Variants in AACS observed in about 807,000 individuals in gnomAD.
AACS encodes the protein acetoacetate-CoA ligase.
A neutral mutation model predicts 83.1 loss-of-function variants in AACS; 69 were observed. The observed-to-expected ratio is 0.83, with a 90% confidence interval of 0.68 to 1.01. AACS has a LOEUF of 1.01. AACS is among the 50% of genes least tolerant of loss of function. The probability of loss-of-function intolerance (pLI) is 0.00; values close to 1 mark genes in which losing one functional copy is unlikely to be tolerated. For missense variants in AACS, 866 were observed against 882.2 expected, an observed-to-expected ratio of 0.98 and a Z score of 0.23; for synonymous variants, 333 against 343.4, an observed-to-expected ratio of 0.97 and a Z score of 0.33.
At chr12:125,102,933 A>C in intron 6 of AACS, 67 bp from the exon 7 acceptor site, 1 of 426,700 alleles carries the variant, frequency 2.3e-6, no homozygotes, top group East Asian at 9.3e-5. Flanking sequence ...TATTTTGTGG[A>C]AAAAAAAAAA....
intron 3 of AACS, among the ~76,000 whole-genome samples, chr12:125,085,573 C>T (rs1046065323): frequency 6.6e-5 from 10 of 152,260 alleles, no homozygotes; most frequent in East Asian, 1.9e-4. Flanking sequence ...CGCACATGCA[C>T]GTCGCATCCA....
rs1956559892 is a variant in AACS at position 125,094,514 on chromosome 12, A to G, written c.570+2991A>G. Among the ~76,000 whole-genome samples, 1 of 151,570 alleles carries G rather than the reference A, an allele frequency of 6.6e-6. No homozygotes were observed. Among genetic ancestry groups the G allele is most frequent in the South Asian group, 2.1e-4 (1 of 4,756 alleles). ...GCTGGCTGTGCTGGGTGCTGAAGGG[A>G]CCCTCTCTGCTGCAGAGCCACAGAC... On this transcript the variant is annotated intron_variant, in intron 5 of 17. Coordinates refer to ENST00000316519, the MANE Select transcript of AACS (RefSeq NM_023928.5). The surrounding 1 kb of genome is among the most constrained non-coding windows in gnomAD (Gnocchi z 4.1).
intron 14 of AACS, among the ~76,000 whole-genome samples, chr12:125,132,938 C>T (rs531541246): frequency 7.9e-5 from 12 of 152,284 alleles, no homozygotes; most frequent in Middle Eastern, 3.4e-3. Context: ...AGAAGTGTCT[C>T]GAGATTTGGG....
intron 9 of AACS, among the ~76,000 whole-genome samples, chr12:125,117,413 C>CA (rs1252793019): frequency 0.064 from 8,766 of 137,850 alleles, 353 homozygotes; most frequent in African/African-American, 0.12. Flanking sequence ...GACTCCGTCT[C>CA]AAAAAAAAAA....
At position 125,142,503 on chromosome 12, in the gene AACS, G is replaced by A; in HGVS notation, c.*274G>A. 1 of 422,434 alleles carries A rather than the reference G, an allele frequency of 2.4e-6. No individual in the cohort carries two copies. Among genetic ancestry groups the A allele is most frequent in the East Asian group, 4.0e-5 (1 of 24,884 alleles). The allele number at this position is 422,434 out of a possible 1,614,324, so 26.2% of individuals were successfully genotyped here. A position where few individuals can be genotyped will look rare whatever the true frequency, so the allele number is the denominator to read the frequency against. On this transcript the variant is annotated 3_prime_UTR_variant, in exon 18 of 18. Coordinates refer to ENST00000316519, the MANE Select transcript of AACS (RefSeq NM_023928.5). ...GAGTGTGTGTCTTTGCACACACAGT[G>A]CAGCGGGAACGGTGGGGCTGGCTGG...
Position 125,112,968 on chromosome 12 carries a change from CAT to C in AACS, c.916-1508_916-1507del, listed in dbSNP as rs142952018. 1.4e-3 allele frequency among the ~76,000 whole-genome samples: 210 copies of C among 152,338 alleles called. 1 individual carries two copies. Among genetic ancestry groups the C allele is most frequent in the African/African-American group, 4.7e-3 (194 of 41,576 alleles). ...ATCTCCCACCTTGTCCCTCCCACAA[CAT>C]GTGGGAATTATGGGAATACAATTCA... On this transcript the variant is annotated intron_variant, in intron 8 of 17. Transcript: ENST00000316519.
intron 2 of AACS, 113 bp downstream of exon 2, chr12:125,074,092 G>C: frequency 1.2e-6 from 1 of 845,274 alleles, no homozygotes; most frequent in Non-Finnish European, 1.9e-6. Context: ...TCATGCAGAT[G>C]GGAAAAAGTC....
chr12:125,100,861 G>T (rs1956695815), intron 5 of AACS: 2 of 152,198 alleles, frequency 1.3e-5, no homozygotes, highest in Non-Finnish European at 2.9e-5. Flanking sequence ...TCACCAGGGA[G>T]CTCTGAAAAC....
intron 8 of AACS, among the ~76,000 whole-genome samples, chr12:125,111,716 G>T (rs879489138): frequency 3.3e-5 from 5 of 152,186 alleles, no homozygotes; most frequent in Admixed American, 6.5e-5. Context: ...TCTGTGAAAG[G>T]TGTCAGAAAG....
chr12:125,091,261 GGCA>G, intron 4 of AACS, 162 bp from the exon 5 acceptor site: 1 of 655,030 alleles, frequency 1.5e-6, no homozygotes, highest in Non-Finnish European at 2.7e-6. Context: ...TTGACAGGCT[GGCA>G]GCAGGCGATT....
chr12:125,090,643 CTCCA>C (rs1256228072), intron 4 of AACS, among the ~76,000 whole-genome samples: 4 of 151,252 alleles, frequency 2.6e-5, no homozygotes, highest in African/African-American at 7.4e-5. Flanking sequence ...TCATCCATCT[CTCCA>C]TCCATTTATC....
In AACS at chr12:125,142,295, A is replaced by T; in HGVS notation, c.*66A>T. On this transcript the variant is annotated 3_prime_UTR_variant, in exon 18 of 18. Transcript: ENST00000316519. Reference sequence around the variant, plus strand: ...ACTGTAACTTTTGTGTGCTCAAGAAATTATACAGAAACCTACAGCTGTTGT... The same window carrying T: ...ACTGTAACTTTTGTGTGCTCAAGAATTTATACAGAAACCTACAGCTGTTGT... 5.1e-6 allele frequency: 8 copies of T among 1,583,700 alleles called. No individual in the cohort carries two copies. Among genetic ancestry groups the T allele is most frequent in the Non-Finnish European group, 6.9e-6 (8 of 1,160,510 alleles).
At position 125,124,954 on chromosome 12, in the gene AACS, A is replaced by G. The variant is rs750949528; in HGVS notation, c.1239A>G (p.Pro413=). Reference sequence around the variant, plus strand: ...ACACGATCCTGTCCACTGGCTCCCCACTGAAAGCCCAGAGCTACGAGTATG... The same window carrying G: ...ACACGATCCTGTCCACTGGCTCCCCGCTGAAAGCCCAGAGCTACGAGTATG... The part of the protein sequence containing the change: ...MLHTILSTGS[P]LKAQSYEYVY... The change falls in exon 12 of 18, where the codon CCA becomes CCG. Residue 413 remains proline, a synonymous_variant. Coordinates refer to ENST00000316519, the MANE Select transcript of AACS (RefSeq NM_023928.5). The G allele has an allele frequency of 1.2e-6, 2 of 1,614,178 alleles. No individual in the cohort carries two copies. The highest frequency in any genetic ancestry group is 8.5e-7 in the Non-Finnish European group (1 of 1,180,030).
intron 1 of AACS, among the ~76,000 whole-genome samples, chr12:125,072,919 GTTTTTTTTTTTTTTT>G (rs200182531): frequency 1.1e-5 from 1 of 90,390 alleles, no homozygotes; most frequent in Non-Finnish European, 2.2e-5. Flanking sequence ...TGTAACTTTT[GTTTTTTTTTTTTTTT>G]TTTTTTTTTT....
Position 125,096,906 on chromosome 12 carries a change from G to C in AACS, c.570+5383G>C, listed in dbSNP as rs117323389. On this transcript the variant is annotated intron_variant, in intron 5 of 17. Coordinates refer to ENST00000316519, the MANE Select transcript of AACS (RefSeq NM_023928.5). ...TGCCAGTGCCCAGGCGCTGGTCTAG[G>C]GGGTGAAGACTTCTCTCCTGGATGC... 3.3e-5 allele frequency among the ~76,000 whole-genome samples: 5 copies of C among 152,178 alleles called. No homozygotes were observed. The East Asian group carries it at 9.7e-4, about 29-fold the overall frequency.
chr12:125,115,685 C>A (rs60751847), intron 9 of AACS, among the ~76,000 whole-genome samples: 2,770 of 152,210 alleles, frequency 0.018, 88 homozygotes, highest in African/African-American at 0.062. Context: ...ACAACCCCCC[C>A]ACCCCAGTGA....
chr12:125,133,916 C>T (rs1395732816), intron 14 of AACS, 87 bp from the exon 15 acceptor site: 2 of 1,375,250 alleles, frequency 1.5e-6, no homozygotes, highest in African/African-American at 1.4e-5. Context: ...CCAGTGATGT[C>T]TGCGGACCTA....
intron 4 of AACS, 36 bp from the exon 5 acceptor site, chr12:125,091,390 C>T (rs747177845): frequency 5.6e-6 from 9 of 1,608,738 alleles, no homozygotes; most frequent in Non-Finnish European, 6.8e-6. Context: ...CCCATACACC[C>T]TGAACCCAAG....
At chr12:125,133,563 G>A (rs1253151184) in intron 14 of AACS, among the ~76,000 whole-genome samples, 6 of 152,156 alleles carry the variant, frequency 3.9e-5, no homozygotes, top group Non-Finnish European at 5.9e-5. Context: ...TCCTGGTCAC[G>A]AGCACGTGTA....
Sources: allele counts gnomAD v4.1 joint callset (sites outside exome capture counted in the v4.1 genomes callset), GRCh38; gene constraint gnomAD v4.1.1; non-coding constraint Gnocchi (gnomAD v3.1); transcripts MANE v1.5; gene names NCBI Gene and HGNC (gene_info 2026-07-23, HGNC 2026-07-21).